The following SPIN1 variants were observed in gnomAD, a reference collection of about 807,000 sequenced individuals.
The protein encoded by SPIN1 is spindlin 1.
In SPIN1, 3 loss-of-function variants were observed where a neutral mutation model predicts 26.0. The observed-to-expected ratio is 0.12, with a 90% CI of 0.05 to 0.30. SPIN1 has a LOEUF of 0.30. SPIN1 is among the 10% of genes least tolerant of loss of function. The probability of loss-of-function intolerance (pLI) is 1.00; values close to 1 mark genes in which losing one functional copy is unlikely to be tolerated. For synonymous variants in SPIN1, 101 were observed against 116.5 expected (o/e 0.87, Z 0.86); for missense variants, 126 against 333.4 (o/e 0.38, Z 4.84).
At chr9:88,412,924 C>T (rs897021846) in intron 1 of SPIN1, among the ~76,000 whole-genome samples, 9 of 151,474 alleles carry the variant, frequency 5.9e-5, no homozygotes, top group South Asian at 2.1e-4. Context: ...CCTCGTGATC[C>T]GCCCACCTTG....
chr9:88,399,798 T>C (rs1827148415), intron 1 of SPIN1, among the ~76,000 whole-genome samples: 1 of 152,158 alleles, frequency 6.6e-6, no homozygotes, highest in Non-Finnish European at 1.5e-5. Context: ...CTCAGCCAAG[T>C]TCAAACCATA....
chr9:88,389,769 G>T (rs1826879880), intron 1 of SPIN1, among the ~76,000 whole-genome samples: 3 of 152,314 alleles, frequency 2.0e-5, no homozygotes, highest in African/African-American at 7.2e-5. Context: ...AGGATTAATG[G>T]AGGGTACAGT....
At position 88,445,260 on chromosome 9, in the gene SPIN1, A is replaced by G. The variant is rs529559412; in HGVS notation, c.53-3681A>G. On this transcript the variant is annotated intron_variant, in intron 2 of 5. Transcript: ENST00000375859. ...ATCCTTGTCTACTCTAAGCCCAGAC[A>G]TGCTCCAGGAATGCTTCAGGTAGAC... 1.7e-4 allele frequency among the ~76,000 whole-genome samples: 26 copies of G among 152,048 alleles called. No individual in the cohort carries two copies. In the South Asian group the frequency reaches 4.4e-3, roughly 26 times the overall value.
intron 1 of SPIN1, among the ~76,000 whole-genome samples, chr9:88,419,631 T>G (rs998650371): frequency 6.6e-6 from 1 of 152,240 alleles, no homozygotes; most frequent in Non-Finnish European, 1.5e-5. Flanking sequence ...CATCTTTTTT[T>G]CTCTTAATTT....
In SPIN1 at chr9:88,478,238, A is replaced by G. The variant is rs948682818; in HGVS notation, c.*2961A>G. On this transcript the variant is annotated 3_prime_UTR_variant, in exon 6 of 6. Coordinates refer to ENST00000375859, the MANE Select transcript of SPIN1 (RefSeq NM_006717.3). ...AAACCACGAAGTGCATTGGGCTTCA[A>G]TCTCTGAACACTGTAGACCCATTAG... The G allele has an allele frequency of 3.3e-5, 5 of 152,674 alleles. No homozygotes were observed. Among genetic ancestry groups the G allele is most frequent in the East Asian group, 1.9e-4 (1 of 5,196 alleles). The allele number at this position is 152,674 out of a possible 1,614,324, so 9.5% of individuals were successfully genotyped here.
chr9:88,442,542 T>TA (rs1828158016), intron 2 of SPIN1, among the ~76,000 whole-genome samples: 1 of 151,848 alleles, frequency 6.6e-6, no homozygotes, highest in Admixed American at 6.6e-5. Context: ...TAGCTGGGAT[T>TA]ACTGGTTAAT....
chr9:88,429,651 C>G (rs373511268), intron 2 of SPIN1, among the ~76,000 whole-genome samples: 1 of 152,152 alleles, frequency 6.6e-6, no homozygotes, highest in Non-Finnish European at 1.5e-5. Context: ...GATAGTGTTG[C>G]GCTATCTGGA....
chr9:88,463,445 G>A (rs996581856), intron 4 of SPIN1, among the ~76,000 whole-genome samples: 2 of 152,058 alleles, frequency 1.3e-5, no homozygotes, highest in Non-Finnish European at 2.9e-5. Flanking sequence ...TAAAATATTG[G>A]TTTATACTTT....
Position 88,411,200 on chromosome 9 carries a change from C to G in SPIN1, c.-158-15182C>G. ...TTAAGAATCTTCTGTTGAGACAGCT[C>G]TCTTTGGTTCCACAAGTCTTCTGTT... On this transcript the variant is annotated intron_variant, in intron 1 of 5. Coordinates refer to ENST00000375859, the MANE Select transcript of SPIN1 (RefSeq NM_006717.3). 5.6e-6 allele frequency: 7 copies of G among 1,253,358 alleles called. 1 individual carries two copies. In the South Asian group the frequency reaches 5.9e-5, roughly 11 times the overall value. 77.6% of individuals were successfully genotyped at this position (1,253,358 alleles called of 1,614,324 possible). A position where few individuals can be genotyped will look rare whatever the true frequency, so the allele number is the denominator to read the frequency against.
chr9:88,427,199 T>C (rs974076128), intron 2 of SPIN1, among the ~76,000 whole-genome samples: 1 of 152,158 alleles, frequency 6.6e-6, no homozygotes, highest in East Asian at 1.9e-4. Flanking sequence ...TTCAGACATA[T>C]ATCTGAATGT....
chr9:88,443,211 T>C (rs1417794179), intron 2 of SPIN1, among the ~76,000 whole-genome samples: 1 of 152,196 alleles, frequency 6.6e-6, no homozygotes, highest in South Asian at 2.1e-4. Context: ...CCATAATGTG[T>C]AAGTTATGCC....
intron 1 of SPIN1, among the ~76,000 whole-genome samples, chr9:88,403,268 G>C (rs908009505): frequency 2.0e-5 from 3 of 152,090 alleles, no homozygotes; most frequent in Admixed American, 2.0e-4. Flanking sequence ...TTCCTTTGCT[G>C]TGCAGAAACT....
chr9:88,401,766 A>G (rs1256093100), intron 1 of SPIN1, among the ~76,000 whole-genome samples: 1 of 152,234 alleles, frequency 6.6e-6, no homozygotes, highest in Non-Finnish European at 1.5e-5. Context: ...GTAACATTTA[A>G]TAAGAGAAGC....
chr9:88,441,418 C>T lies in SPIN1; in HGVS notation c.53-7523C>T, dbSNP rs908100054. Among the ~76,000 whole-genome samples the T allele has an allele frequency of 0.013, 1,173 of 90,830 alleles. 34 individuals carry two copies. In the African/African-American group the frequency reaches 0.14, roughly 11 times the overall value. 59.6% of individuals were successfully genotyped at this position (90,830 alleles called of 152,430 possible). On this transcript the variant is annotated intron_variant, in intron 2 of 5. Transcript: ENST00000375859. ...CCATTCGTGTGTGTGTGTGTGTGCG[C>T]GCGCGCGCGCCCATGTGTGTGTACA...
At chr9:88,470,451 T>G (rs920083024) in intron 5 of SPIN1, among the ~76,000 whole-genome samples, 16 of 152,260 alleles carry the variant, frequency 1.1e-4, no homozygotes, top group Admixed American at 1.0e-3. Flanking sequence ...ATGAGACTTC[T>G]GATTTCTCCA....
At chr9:88,465,295 G>T (rs1447201045) in intron 4 of SPIN1, among the ~76,000 whole-genome samples, 7 of 152,196 alleles carry the variant, frequency 4.6e-5, no homozygotes, top group African/African-American at 1.7e-4. Flanking sequence ...AGGCACAGGA[G>T]TGGGATTGCT....
chr9:88,457,855 A>C, intron 3 of SPIN1: 1 of 984,608 alleles, frequency 1.0e-6, no homozygotes, highest in Non-Finnish European at 1.2e-6. Context: ...AAAAGCAACC[A>C]AAAAACCTTT....
chr9:88,435,757 G>A (rs989394054), intron 2 of SPIN1, among the ~76,000 whole-genome samples: 19 of 152,120 alleles, frequency 1.2e-4, no homozygotes, highest in African/African-American at 4.3e-4. Flanking sequence ...TGTGGAGTCA[G>A]TTTCTTGGAA....
At chr9:88,401,980 C>CA (rs1412161530) in intron 1 of SPIN1, among the ~76,000 whole-genome samples, 2 of 152,106 alleles carry the variant, frequency 1.3e-5, no homozygotes, top group Non-Finnish European at 2.9e-5. Context: ...GAGCATCCAT[C>CA]ACCTTGAGTA....
Sources: gnomAD v4.1 joint callset for allele counts (sites outside exome capture counted in the v4.1 genomes callset) on GRCh38, gnomAD v4.1.1 for gene constraint, MANE v1.5 for transcripts, NCBI Gene and HGNC (gene_info 2026-07-23, HGNC 2026-07-21) for gene names.